The following TBXAS1 variants were observed in gnomAD, a reference collection of about 807,000 sequenced individuals.
TBXAS1 encodes thromboxane A synthase 1, also known as thromboxane-A synthase.
In TBXAS1, 48 loss-of-function variants were observed where a neutral mutation model predicts 60.7. That is an observed-to-expected ratio of 0.79 (90% confidence interval 0.63 to 1.01). The LOEUF (loss-of-function observed/expected upper bound fraction) is 1.01. TBXAS1 is among the 50% of genes least tolerant of loss of function. The pLI is 0.00. For missense variants in TBXAS1, 685 were observed against 686.3 expected, an observed-to-expected ratio of 1.00 and a Z score of 0.02; for synonymous variants, 287 against 269.7, an observed-to-expected ratio of 1.06 and a Z score of -0.63.
chr7:139,955,324 A>T, intron 6 of TBXAS1, 135 bp from the exon 7 acceptor site: 1 of 1,153,736 alleles, frequency 8.7e-7, no homozygotes, highest in South Asian at 1.2e-5. Flanking sequence ...GATCTGCAGA[A>T]GCTCCTCTTC....
rs575738500 is a variant in TBXAS1 at position 139,898,401 on chromosome 7, C to T, written c.237-12824C>T. 2.2e-4 allele frequency among the ~76,000 whole-genome samples: 31 copies of T among 143,256 alleles called. No individual in the cohort carries two copies. In the South Asian group the frequency reaches 6.8e-3, roughly 32 times the overall value. The allele number at this position is 143,256 out of a possible 152,430, so 94.0% of individuals were successfully genotyped here. A position where few individuals can be genotyped will look rare whatever the true frequency, so the allele number is the denominator to read the frequency against. On this transcript the variant is annotated intron_variant, in intron 3 of 12. Transcript: ENST00000448866. Reference sequence around the variant, plus strand: ...TTCTACCTGAAAATCAGAAGTTTCCCAACGTGCATGGCTTTTTTTTTTTTT... The same window carrying T: ...TTCTACCTGAAAATCAGAAGTTTCCTAACGTGCATGGCTTTTTTTTTTTTT...
At chr7:139,886,467 A>G (rs1196175048) in intron 3 of TBXAS1, among the ~76,000 whole-genome samples, 2 of 150,028 alleles carry the variant, frequency 1.3e-5, no homozygotes, top group Non-Finnish European at 3.0e-5. Context: ...TGGCTGGTGA[A>G]TGGCTTGTCA....
intron 3 of TBXAS1, among the ~76,000 whole-genome samples, chr7:139,899,585 T>A (rs1804414246): frequency 6.6e-6 from 1 of 152,264 alleles, no homozygotes; most frequent in South Asian, 2.1e-4. Context: ...TGGAGTTGAA[T>A]AAGTGAATTC....
At chr7:139,945,721 A>C (rs1343324099) in intron 5 of TBXAS1, among the ~76,000 whole-genome samples, 1 of 152,224 alleles carries the variant, frequency 6.6e-6, no homozygotes, top group Non-Finnish European at 1.5e-5. Context: ...CTTAAAACAA[A>C]CTTTTGTTAG....
Position 139,829,398 on chromosome 7 carries a change from C to T in TBXAS1, c.8C>T (p.Ala3Val). Reference sequence around the variant, plus strand: ...TGGGGTCTCAGAGGAATGATGGAAGCCTTGGGGTTTCTAAAATTGGAAGTG... The same window carrying T: ...TGGGGTCTCAGAGGAATGATGGAAGTCTTGGGGTTTCTAAAATTGGAAGTG... Reference protein sequence around the residue: MEALGFLKLEVNG... With the variant: MEVLGFLKLEVNG... Residue 3 changes from alanine (A) to valine (V), a missense_variant, in exon 1 of 13, where the codon GCC becomes GTC. Transcript: ENST00000448866. 6.2e-7 allele frequency: 1 copy of T among 1,613,730 alleles called. No homozygotes were observed.
chr7:139,985,825 C>T (rs1337214184), intron 9 of TBXAS1, among the ~76,000 whole-genome samples: 5 of 152,172 alleles, frequency 3.3e-5, no homozygotes, highest in East Asian at 1.9e-4. Context: ...AATGGGTGGA[C>T]GGCGCTTACA....
At chr7:139,848,237 G>A (rs1585622823) in intron 1 of TBXAS1, among the ~76,000 whole-genome samples, 1 of 151,970 alleles carries the variant, frequency 6.6e-6, no homozygotes, top group Non-Finnish European at 1.5e-5. Flanking sequence ...CTCCCACCTC[G>A]GCCTTCCAAA....
chr7:139,977,102 C>T (rs1811619210), intron 9 of TBXAS1, among the ~76,000 whole-genome samples: 1 of 152,214 alleles, frequency 6.6e-6, no homozygotes, highest in Admixed American at 6.5e-5. Context: ...ATCTCAGAAT[C>T]ATACCAGACC....
intron 5 of TBXAS1, among the ~76,000 whole-genome samples, chr7:139,948,704 A>G (rs1808952051): frequency 6.6e-6 from 1 of 151,976 alleles, no homozygotes; most frequent in East Asian, 1.9e-4. Flanking sequence ...TCATCTGTGC[A>G]TGTGTGTGTG....
At chr7:140,008,738 C>T (rs1402451653) in intron 10 of TBXAS1, among the ~76,000 whole-genome samples, 1 of 152,196 alleles carries the variant, frequency 6.6e-6, no homozygotes, top group Non-Finnish European at 1.5e-5. Flanking sequence ...CGTGAGCCAC[C>T]AATCCCAGCC....
intron 1 of TBXAS1, among the ~76,000 whole-genome samples, chr7:139,839,727 G>A (rs911552571): frequency 1.3e-5 from 2 of 150,466 alleles, no homozygotes; most frequent in African/African-American, 2.4e-5. Context: ...GTGGTGGTGC[G>A]AGTCTGTAAT....
At chr7:139,844,570 G>A (rs925002047) in intron 1 of TBXAS1, among the ~76,000 whole-genome samples, 11 of 152,102 alleles carry the variant, frequency 7.2e-5, no homozygotes, top group Non-Finnish European at 1.5e-4. Flanking sequence ...CACCACCATC[G>A]CGTTGTCAAT....
At chr7:139,831,931 CAAACAAAACA>C (rs200064741) in intron 1 of TBXAS1, among the ~76,000 whole-genome samples, 10 of 151,938 alleles carry the variant, frequency 6.6e-5, no homozygotes, top group Non-Finnish European at 1.3e-4. Context: ...GACTCTGTTT[CAAACAAAACA>C]AAACAAAACA....
intron 4 of TBXAS1, among the ~76,000 whole-genome samples, chr7:139,914,196 A>G (rs1228037481): frequency 6.6e-6 from 1 of 151,026 alleles, no homozygotes; most frequent in Non-Finnish European, 1.5e-5. Flanking sequence ...TGCCTGGCTA[A>G]TTTTAAAAAA....
chr7:139,927,366 A>G (rs1348630973), intron 4 of TBXAS1, among the ~76,000 whole-genome samples: 1 of 149,252 alleles, frequency 6.7e-6, no homozygotes, highest in Non-Finnish European at 1.5e-5. Context: ...ATTATTTTAA[A>G]CTGACAACTT....
At chr7:139,982,719 T>C (rs1271265793) in intron 9 of TBXAS1, among the ~76,000 whole-genome samples, 1 of 152,182 alleles carries the variant, frequency 6.6e-6, no homozygotes, top group South Asian at 2.1e-4. Flanking sequence ...ATGGATTGAA[T>C]TCATGGTCCC....
rs77666681 is a variant in TBXAS1 at position 139,884,266 on chromosome 7, C to T, written c.236+8629C>T. On this transcript the variant is annotated intron_variant, in intron 3 of 12. Coordinates refer to ENST00000448866, the MANE Select transcript of TBXAS1 (RefSeq NM_001061.7). ...GTAGCACCTTCTTGTTCTTTAAAAT[C>T]ACAAGTTCAACTATTATTGAAATTA... Among the ~76,000 whole-genome samples the T allele has an allele frequency of 6.8e-4, 103 of 152,362 alleles. No homozygotes were observed. The East Asian group carries it at 0.017, about 25-fold the overall frequency.
chr7:139,908,787 T>G (rs1805298779), intron 3 of TBXAS1, among the ~76,000 whole-genome samples: 2 of 152,232 alleles, frequency 1.3e-5, no homozygotes, highest in Admixed American at 1.3e-4. Flanking sequence ...AGTTCCAAAC[T>G]TTCTTCTGTT....
chr7:139,924,078 C>T (rs1198640318), intron 4 of TBXAS1, among the ~76,000 whole-genome samples: 2 of 152,122 alleles, frequency 1.3e-5, no homozygotes, highest in Non-Finnish European at 2.9e-5. Flanking sequence ...AAATTTGGCT[C>T]TTGTGAATAG....
Sources: allele counts gnomAD v4.1 joint callset (sites outside exome capture counted in the v4.1 genomes callset), GRCh38; gene constraint gnomAD v4.1.1; transcripts MANE v1.5; gene names NCBI Gene and HGNC (gene_info 2026-07-23, HGNC 2026-07-21).